HTR4: variants seen among roughly 807,000 people sequenced by gnomAD.
The protein encoded by HTR4 is 5-hydroxytryptamine (serotonin) receptor 4, G protein-coupled.
HTR4 carries 16 observed loss-of-function variants against 36.8 expected under a neutral mutation model. That is an observed-to-expected ratio of 0.43 (90% CI 0.29 to 0.66). The LOEUF (loss-of-function observed/expected upper bound fraction) is 0.66, where lower values mean the gene tolerates loss of function less well. Among genes scored for constraint, HTR4 ranks in the 30% least tolerant of loss-of-function variants. The pLI is 0.13. For missense variants in HTR4, 438 were observed against 490.9 expected, an observed-to-expected ratio of 0.89 and a Z score of 1.02; for synonymous variants, 189 against 185.1, an observed-to-expected ratio of 1.02 and a Z score of -0.17.
At chr5:148,497,777 C>T (rs1279428074) in intron 6 of HTR4, among the ~76,000 whole-genome samples, 3 of 152,224 alleles carry the variant, frequency 2.0e-5, no homozygotes, top group Non-Finnish European at 1.5e-5. Context: ...TTTGATGAAC[C>T]TCTTAGAATT....
rs570804769 is a variant in HTR4, at chr5:148,508,708, A to G, written c.1076+748T>C. ...TACATCCATTATATCACATGGTATT[A>G]CTGTTGTATATTTATTATGGTATTT... On this transcript the variant is annotated intron_variant, in intron 6 of 6. Transcript: ENST00000377888. 7.9e-5 allele frequency among the ~76,000 whole-genome samples: 12 copies of G among 152,204 alleles called. No individual in the cohort carries two copies. In the South Asian group the frequency reaches 2.5e-3, roughly 32 times the overall value.
intron 5 of HTR4, among the ~76,000 whole-genome samples, chr5:148,464,034 C>CAA (rs34212190): frequency 0.037 from 3,726 of 99,454 alleles, 111 homozygotes; most frequent in South Asian, 0.058. Flanking sequence ...CATTGACATG[C>CAA]AAAAAAAAAA....
chr5:148,539,409 G>A (rs1758996660), intron 4 of HTR4, among the ~76,000 whole-genome samples: 1 of 152,032 alleles, frequency 6.6e-6, no homozygotes, highest in African/African-American at 2.4e-5. Flanking sequence ...CACAGCAAAA[G>A]AAACTATCAA....
At chr5:148,622,741 T>C (rs1752959485) in intron 2 of HTR4, among the ~76,000 whole-genome samples, 1 of 152,240 alleles carries the variant, frequency 6.6e-6, no homozygotes, top group African/African-American at 2.4e-5. Flanking sequence ...GAGACTTAGA[T>C]AACAATGTAT....
At chr5:148,644,421 A>AT (rs1753815914) in intron 1 of HTR4, among the ~76,000 whole-genome samples, 7 of 85,834 alleles carry the variant, frequency 8.2e-5, no homozygotes, top group African/African-American at 2.7e-4. Context: ...CAAGCTCACA[A>AT]GTTTTTTTTT....
intron 4 of HTR4, among the ~76,000 whole-genome samples, chr5:148,543,876 G>A (rs1759239962): frequency 6.6e-6 from 1 of 152,136 alleles, no homozygotes; most frequent in Non-Finnish European, 1.5e-5. Flanking sequence ...GAGGGTGTTT[G>A]ATGAGAAAGC....
At chr5:148,472,220 C>T (rs1755586310), downstream of HTR4, among the ~76,000 whole-genome samples, 1 of 152,230 alleles carries the variant, frequency 6.6e-6, no homozygotes, top group Non-Finnish European at 1.5e-5. Context: ...CCCATAGAGA[C>T]TGGCATAACA....
intron 2 of HTR4, among the ~76,000 whole-genome samples, chr5:148,589,809 C>T (rs576884300): frequency 1.3e-5 from 2 of 152,098 alleles, no homozygotes; most frequent in Admixed American, 6.5e-5. Flanking sequence ...TTAAATCAAT[C>T]TAATTAATAT....
chr5:148,538,983 A>AGG (rs1044971874), intron 4 of HTR4, among the ~76,000 whole-genome samples: 1 of 152,214 alleles, frequency 6.6e-6, no homozygotes. Flanking sequence ...CCTATACTAC[A>AGG]GGGCTACAGT....
intron 6 of HTR4, among the ~76,000 whole-genome samples, chr5:148,486,864 A>G (rs968348465): frequency 6.6e-6 from 1 of 152,196 alleles, no homozygotes; most frequent in African/African-American, 2.4e-5. Context: ...GTATTTGGGT[A>G]GGATAGGATA....
intron 2 of HTR4, chr5:148,629,577 G>A (rs1001006180): frequency 1.3e-5 from 2 of 152,262 alleles, no homozygotes; most frequent in African/African-American, 4.8e-5. Flanking sequence ...GGTTCAGCTT[G>A]GCAAGCAAAA....
chr5:148,617,892 A>T (rs796349895), intron 2 of HTR4, among the ~76,000 whole-genome samples: 2 of 152,132 alleles, frequency 1.3e-5, no homozygotes, highest in East Asian at 3.9e-4. Flanking sequence ...CGATGCTAAA[A>T]GTTGCAGTAG....
chr5:148,587,456 T>C (rs1217208021), intron 2 of HTR4, among the ~76,000 whole-genome samples: 1 of 151,570 alleles, frequency 6.6e-6, no homozygotes, highest in African/African-American at 2.4e-5. Flanking sequence ...GGGCGGAGGG[T>C]TGGGGGGGTG....
At chr5:148,626,608 G>A (rs997567014) in intron 2 of HTR4, among the ~76,000 whole-genome samples, 1 of 152,190 alleles carries the variant, frequency 6.6e-6, no homozygotes. Flanking sequence ...AGATCAGAAA[G>A]GTGACAGTTT....
intron 6 of HTR4, among the ~76,000 whole-genome samples, chr5:148,486,319 T>G (rs7702840): frequency 0.17 from 25,382 of 152,104 alleles, 3,911 homozygotes; most frequent in African/African-American, 0.4. Context: ...ATAAGAGACC[T>G]CCTTCCTGTG....
intron 5 of HTR4, among the ~76,000 whole-genome samples, chr5:148,514,059 G>A (rs1757619817): frequency 6.6e-6 from 1 of 152,042 alleles, no homozygotes; most frequent in Non-Finnish European, 1.5e-5. Context: ...TGCAAATAAT[G>A]GCAGTTACAT....
At chr5:148,571,907 ATC>A (rs1199819767) in intron 2 of HTR4, among the ~76,000 whole-genome samples, 1 of 152,154 alleles carries the variant, frequency 6.6e-6, no homozygotes, top group Non-Finnish European at 1.5e-5. Context: ...GTAATTTATT[ATC>A]TCATGAATAT....
At chr5:148,594,351 CGTGTGTGTGTGT>C (rs59165561) in intron 2 of HTR4, among the ~76,000 whole-genome samples, 1 of 148,568 alleles carries the variant, frequency 6.7e-6, no homozygotes. Context: ...TTCTGGGTTT[CGTGTGTGTGTGT>C]GTGTGTGTGT....
chr5:148,539,784 T>G (rs547429431), intron 4 of HTR4, among the ~76,000 whole-genome samples: 1 of 152,276 alleles, frequency 6.6e-6, no homozygotes, highest in South Asian at 2.1e-4. Context: ...GAATGTAAAT[T>G]AGTTCAACCA....
Sources: allele counts gnomAD v4.1 joint callset (sites outside exome capture counted in the v4.1 genomes callset), GRCh38; gene constraint gnomAD v4.1.1; transcripts MANE v1.5; gene names NCBI Gene and HGNC (gene_info 2026-07-23, HGNC 2026-07-21).